RTN4RL1: variants seen among roughly 807,000 people sequenced by gnomAD.
The protein encoded by RTN4RL1 is reticulon-4 receptor-like 1.
RTN4RL1 carries 7 observed loss-of-function variants against 25.6 expected under a neutral mutation model. The observed-to-expected ratio is 0.27, with a 90% confidence interval of 0.16 to 0.51. The LOEUF (loss-of-function observed/expected upper bound fraction) is 0.51, where lower values mean the gene tolerates loss of function less well. RTN4RL1 is among the 20% of genes least tolerant of loss of function. RTN4RL1 has a pLI of 0.97. For synonymous variants in RTN4RL1, 297 were observed against 288.2 expected (o/e 1.03, Z -0.31); for missense variants, 500 against 615.6 (o/e 0.81, Z 1.99).
Position 1,937,399 on chromosome 17 carries a change from C to T in RTN4RL1, c.423G>A (p.Pro141=), listed in dbSNP as rs780901106. The T allele has an allele frequency of 3.6e-5, 58 of 1,613,534 alleles. No homozygotes were observed. The highest frequency in any genetic ancestry group is 4.4e-5 in the South Asian group (4 of 91,080). The change falls in exon 2 of 2, where the codon CCG becomes CCA. Residue 141 remains proline (P), a synonymous_variant. Coordinates refer to ENST00000331238, the MANE Select transcript of RTN4RL1 (RefSeq NM_178568.4). ...TGTGCAGGCCGCCAAAGACGCCGGC[C>T]GGCAAGGCGCTGAGCCCACACTTGT... ...YLYKCGLSAL[P]AGVFGGLHSL...
At chr17:1,971,587 C>T (rs557984599) in intron 1 of RTN4RL1, among the ~76,000 whole-genome samples, 55 of 151,544 alleles carry the variant, frequency 3.6e-4, no homozygotes, top group African/African-American at 7.7e-4. Context: ...CCCAGCACGT[C>T]GGGAGGCTGA....
chr17:1,962,479 C>G (rs1284471421), intron 1 of RTN4RL1, among the ~76,000 whole-genome samples: 1 of 151,972 alleles, frequency 6.6e-6, no homozygotes, highest in Non-Finnish European at 1.5e-5. Context: ...CTGCCTCAGC[C>G]TCCCGAGTAG....
At chr17:1,962,130 AAAATT>A (rs1467438477) in intron 1 of RTN4RL1, among the ~76,000 whole-genome samples, 1 of 151,418 alleles carries the variant, frequency 6.6e-6, no homozygotes, top group Non-Finnish European at 1.5e-5. Context: ...AAAAAAAAAA[AAAATT>A]AGCCAGGCGT....
chr17:1,963,395 A>G (rs1315427613), intron 1 of RTN4RL1, among the ~76,000 whole-genome samples: 1 of 152,234 alleles, frequency 6.6e-6, no homozygotes. Flanking sequence ...GGCAAATTCA[A>G]TTGTGGGCGA....
intron 1 of RTN4RL1, among the ~76,000 whole-genome samples, chr17:1,973,366 A>T (rs1287376382): frequency 3.3e-5 from 2 of 60,358 alleles, no homozygotes; most frequent in African/African-American, 7.0e-5. Flanking sequence ...ACACTGTCTT[A>T]AAAAAAAAAA....
At chr17:1,964,788 CTTTTTTTTT>C (rs34138766) in intron 1 of RTN4RL1, among the ~76,000 whole-genome samples, 6 of 124,716 alleles carry the variant, frequency 4.8e-5, no homozygotes, top group Admixed American at 4.3e-4. Flanking sequence ...CTTTTCTTTT[CTTTTTTTTT>C]TTTTTTTTTG....
At position 1,943,975 on chromosome 17, in the gene RTN4RL1, G is replaced by A. The variant is rs191445510; in HGVS notation, c.14-6167C>T. On this transcript the variant is annotated intron_variant, in intron 1 of 1. Coordinates refer to ENST00000331238, the MANE Select transcript of RTN4RL1 (RefSeq NM_178568.4). ...CGGTCTTGCTCTGTCGCCTGGGCAG[G>A]AGTGCAGTGGCACAATCATAGCTCA... 5.3e-5 allele frequency among the ~76,000 whole-genome samples: 8 copies of A among 152,226 alleles called. No individual in the cohort carries two copies. The East Asian group carries it at 1.4e-3, about 26-fold the overall frequency.
At chr17:1,969,304 G>A (rs7224425) in intron 1 of RTN4RL1, among the ~76,000 whole-genome samples, 58,441 of 151,378 alleles carry the variant, frequency 0.39, 11,628 homozygotes, top group Admixed American at 0.53. Flanking sequence ...TGATCCACCC[G>A]CCTCGGCCTC....
chr17:1,986,987 A>G (rs2066890161), intron 1 of RTN4RL1, among the ~76,000 whole-genome samples: 1 of 152,160 alleles, frequency 6.6e-6, no homozygotes, highest in Non-Finnish European at 1.5e-5. Context: ...GCTGGACAAG[A>G]TAAGTGGGTG....
intron 1 of RTN4RL1, among the ~76,000 whole-genome samples, chr17:1,938,092 C>A (rs902539610): frequency 5.9e-5 from 9 of 152,268 alleles, no homozygotes; most frequent in African/African-American, 2.2e-4. Flanking sequence ...AGCTGCTGAG[C>A]CCCAGCCCCA....
At chr17:2,013,745 C>A (rs2067082871) in intron 1 of RTN4RL1, among the ~76,000 whole-genome samples, 1 of 100,196 alleles carries the variant, frequency 1.0e-5, no homozygotes, top group African/African-American at 3.8e-5. Flanking sequence ...CCCCAGCTCC[C>A]TCACCCTGGA....
chr17:1,946,261 G>A (rs1915536258), intron 1 of RTN4RL1, among the ~76,000 whole-genome samples: 1 of 152,214 alleles, frequency 6.6e-6, no homozygotes, highest in Non-Finnish European at 1.5e-5. Context: ...GCAAATCCAA[G>A]CCTGTGCCTC....
chr17:2,014,600 C>T (rs765169918), intron 1 of RTN4RL1, among the ~76,000 whole-genome samples: 13 of 152,116 alleles, frequency 8.5e-5, no homozygotes, highest in East Asian at 1.9e-4. Flanking sequence ...GGGAGGCCGA[C>T]GCAGGCAGAT....
At chr17:1,951,552 G>C (rs1915680438) in intron 1 of RTN4RL1, among the ~76,000 whole-genome samples, 1 of 151,976 alleles carries the variant, frequency 6.6e-6, no homozygotes, top group Non-Finnish European at 1.5e-5. Context: ...CCGAGTTCAA[G>C]CGATTCTCCT....
At chr17:1,973,509 C>A (rs564847767) in intron 1 of RTN4RL1, among the ~76,000 whole-genome samples, 1 of 144,406 alleles carries the variant, frequency 6.9e-6, no homozygotes, top group Non-Finnish European at 1.5e-5. Context: ...CAGAACAAGA[C>A]TCCATGTCAA....
rs901936347 is a variant in RTN4RL1, at chr17:2,025,130, C to T, written c.-265G>A. ...CAGCCCCGGGGCGAGCGGCTTGCTC[C>T]GCGGAGCCGGCGGCCTGCTTCTGCC... On this transcript the variant is annotated 5_prime_UTR_variant, in exon 1 of 2. Coordinates refer to ENST00000331238, the MANE Select transcript of RTN4RL1 (RefSeq NM_178568.4). The surrounding 1 kb of genome is among the most constrained non-coding windows in gnomAD (Gnocchi z 4.8). 6.4e-5 allele frequency: 21 copies of T among 328,562 alleles called. No homozygotes were observed. Among genetic ancestry groups the T allele is most frequent in the Non-Finnish European group, 9.9e-5 (18 of 181,582 alleles). 20.4% of individuals were successfully genotyped at this position (328,562 alleles called of 1,614,324 possible).
Position 2,024,959 on chromosome 17 carries a change from G to A in RTN4RL1, c.-94C>T, listed in dbSNP as rs914907945. The A allele has an allele frequency of 1.5e-6, 2 of 1,357,498 alleles. No homozygotes were observed. The highest frequency in any genetic ancestry group is 1.5e-5 in the African/African-American group (1 of 66,784). 84.1% of individuals were successfully genotyped at this position (1,357,498 alleles called of 1,614,324 possible). On this transcript the variant is annotated 5_prime_UTR_variant, in exon 1 of 2. Coordinates refer to ENST00000331238, the MANE Select transcript of RTN4RL1 (RefSeq NM_178568.4). Reference sequence around the variant, plus strand: ...CCTGGGCGCCAGCTGCAGCTAATCCGAGCGCGTCGAGGCGGGGGCAAGCCG... The same window carrying A: ...CCTGGGCGCCAGCTGCAGCTAATCCAAGCGCGTCGAGGCGGGGGCAAGCCG...
intron 1 of RTN4RL1, among the ~76,000 whole-genome samples, chr17:1,966,263 T>A (rs1187515813): frequency 1.3e-5 from 2 of 152,122 alleles, no homozygotes; most frequent in Non-Finnish European, 2.9e-5. Context: ...AGGGTCCAAA[T>A]GGGGATGTTT....
At chr17:1,985,604 T>G (rs1038429689) in intron 1 of RTN4RL1, among the ~76,000 whole-genome samples, 1 of 152,188 alleles carries the variant, frequency 6.6e-6, no homozygotes, top group African/African-American at 2.4e-5. Context: ...CTGTCACACA[T>G]AGGGATATAT....
Sources: gnomAD v4.1 joint callset for allele counts (sites outside exome capture counted in the v4.1 genomes callset) on GRCh38, gnomAD v4.1.1 for gene constraint, Gnocchi (gnomAD v3.1) non-coding constraint, MANE v1.5 for transcripts, NCBI Gene and HGNC (gene_info 2026-07-23, HGNC 2026-07-21) for gene names.